The following ABR variants were observed in gnomAD, a reference collection of about 807,000 sequenced individuals.
ABR encodes active breakpoint cluster region-related protein.
Under a neutral mutation model 107.2 loss-of-function variants are expected in ABR, and 35 were observed. That is an observed-to-expected ratio of 0.33 (90% CI 0.25 to 0.43). ABR has a LOEUF of 0.43. ABR is among the 20% of genes least tolerant of loss of function. The pLI is 1.00. For missense variants in ABR, 815 were observed against 1,115.2 expected, an observed-to-expected ratio of 0.73 and a Z score of 3.83; for synonymous variants, 498 against 462.0, an observed-to-expected ratio of 1.08 and a Z score of -1.00.
chr17:1,226,561 C>G (rs56095768), intron 1 of ABR, among the ~76,000 whole-genome samples: 17,289 of 147,928 alleles, frequency 0.12, 1,205 homozygotes, highest in Middle Eastern at 0.2. Flanking sequence ...TGCAGGTGTG[C>G]AGGTATGTGT....
In ABR at chr17:1,125,341, C is replaced by T. The variant is rs117732533; in HGVS notation, c.88G>A (p.Asp30Asn). The T allele has an allele frequency of 9.1e-3, 14,678 of 1,613,866 alleles. 77 individuals are homozygous for T. Among genetic ancestry groups the T allele is most frequent in the Non-Finnish European group, 0.011 (13,311 of 1,179,974 alleles). The change falls in exon 2 of 23, where the codon GAC becomes AAC. Residue 30 changes from aspartate to asparagine, a missense_variant. Around this residue, in one of 5 missense-constraint regions of ABR, gnomAD observed 129 missense variants for 124.8 expected, o/e 1.03. Coordinates refer to ENST00000302538, the MANE Select transcript of ABR (RefSeq NM_021962.5). Reference sequence around the variant, plus strand: ...TTCTGCTCCTCATTCCCCTCTCCGTCGTACTCGTCCGTCCCGTAGCTGAAG... The same window carrying T: ...TTCTGCTCCTCATTCCCCTCTCCGTTGTACTCGTCCGTCCCGTAGCTGAAG... ...SNFSYGTDEY[D>N]GEGNEEQKGP...
rs528837559 is a variant in ABR at position 1,224,966 on chromosome 17, G to A, written c.838+3827C>T. The stretch of plus-strand genomic sequence containing the variant: ...AGATCGAGATCATCCTGGCTAACAC[G>A]GTGAAACCCTGTCTCTACTAAAAAT... On this transcript the variant is annotated intron_variant, in intron 1 of 22. Transcript: ENST00000574139. 1.0e-3 allele frequency among the ~76,000 whole-genome samples: 157 copies of A among 151,736 alleles called. 1 individual carries two copies. The highest frequency in any genetic ancestry group is 3.5e-3 in the African/African-American group (146 of 41,400).
Position 1,050,081 on chromosome 17 carries a change from A to G in ABR, c.1760T>C (p.Val587Ala), listed in dbSNP as rs1413547389. The stretch of plus-strand genomic sequence containing the variant: ...CTGTCCTTTGCCCATGATCTTGTCC[A>G]CGATCTCATTGTTGTCCTTGTTGAC... The part of the protein sequence containing the change: ...TKVNKDNNEI[V>A]DKIMGKGQIQ... Residue 587 changes from valine to alanine, a missense_variant, in exon 16 of 23, where the codon GTG (valine) becomes GCG (alanine). Val to Ala is a moderately conservative substitution (Grantham distance 64). This residue lies in a region of ABR where 92 missense variants were observed against 82.3 expected (regional missense o/e 1.12). Coordinates refer to ENST00000302538, the MANE Select transcript of ABR (RefSeq NM_021962.5). The surrounding 1 kb of genome is among the most constrained non-coding windows in gnomAD (Gnocchi z 4.6). The G allele has an allele frequency of 6.2e-7, 1 of 1,614,118 alleles. No individual in the cohort carries two copies. The highest frequency in any genetic ancestry group is 8.5e-7 in the Non-Finnish European group (1 of 1,180,006).
chr17:1,072,838 A>G (rs1342059281), intron 7 of ABR, 84 bp from the exon 8 acceptor site: 2 of 1,460,056 alleles, frequency 1.4e-6, no homozygotes, highest in Admixed American at 2.7e-5. Flanking sequence ...TCCCCATCCA[A>G]AGGGTGGGCA....
At chr17:1,108,825 G>A in intron 2 of ABR, 1 of 1,002,466 alleles carries the variant, frequency 1.0e-6, no homozygotes, top group South Asian at 1.9e-5. Context: ...CTCCGCCGAG[G>A]GCTTCCACCC....
Position 1,034,486 on chromosome 17 carries a change from A to G in ABR, c.1791+15564T>C, listed in dbSNP as rs752329939. On this transcript the variant is annotated intron_variant, in intron 16 of 22. Coordinates refer to ENST00000302538, the MANE Select transcript of ABR (RefSeq NM_021962.5). ...ATGGACAAAACCCGCACAAAATCCCATATTACGGCCTCAGAACAGGACAGA... is the reference window on the plus strand; with the variant it reads ...ATGGACAAAACCCGCACAAAATCCCGTATTACGGCCTCAGAACAGGACAGA... 3.0e-4 allele frequency among the ~76,000 whole-genome samples: 46 copies of G among 152,188 alleles called. 1 individual carries two copies. The highest frequency in any genetic ancestry group is 5.1e-4 in the Non-Finnish European group (35 of 68,034).
Position 1,011,127 on chromosome 17 carries a change from T to G in ABR, c.2102-264A>C, listed in dbSNP as rs550893908. On this transcript the variant is annotated intron_variant, in intron 19 of 22. Transcript: ENST00000302538. The surrounding 1 kb of genome is among the most constrained non-coding windows in gnomAD (Gnocchi z 4.8). ...GGGAGTGAAATCCATCACCCAGAGT[T>G]CAGAGCCACATTCATACCATGTGGC... 1 of 504,710 alleles carries G rather than the reference T, an allele frequency of 2.0e-6. No individual in the cohort carries two copies. Among genetic ancestry groups the G allele is most frequent in the East Asian group, 3.6e-5 (1 of 27,672 alleles). The allele number at this position is 504,710 out of a possible 1,614,324, so 31.3% of individuals were successfully genotyped here.
chr17:1,073,759 C>G (rs940274742), intron 6 of ABR, 82 bp from the exon 7 acceptor site: 1 of 1,283,642 alleles, frequency 7.8e-7, no homozygotes. Context: ...TTCGTCCCCC[C>G]ACCCGCATGC....
At chr17:1,066,313 G>A (rs542555358) in intron 10 of ABR, among the ~76,000 whole-genome samples, 11 of 152,302 alleles carry the variant, frequency 7.2e-5, no homozygotes, top group South Asian at 2.1e-4. Flanking sequence ...GGTCCCAAAC[G>A]TGTGTGACAA....
At chr17:1,048,619 G>T (rs2032010193) in intron 16 of ABR, among the ~76,000 whole-genome samples, 2 of 127,688 alleles carry the variant, frequency 1.6e-5, no homozygotes, top group African/African-American at 5.7e-5. Flanking sequence ...TCGGCGCCCA[G>T]CTGCGCCTGG....
chr17:1,052,156 A>G (rs576893097), intron 14 of ABR, among the ~76,000 whole-genome samples: 10 of 152,130 alleles, frequency 6.6e-5, no homozygotes, highest in Admixed American at 5.9e-4. Flanking sequence ...GAGCAACAGA[A>G]AGAAGACCCA....
intron 1 of ABR, among the ~76,000 whole-genome samples, chr17:1,186,577 C>T (rs1390199374): frequency 6.6e-6 from 1 of 152,228 alleles, no homozygotes; most frequent in African/African-American, 2.4e-5. Context: ...TTCCCATGGC[C>T]AGGGGCCACA....
intron 10 of ABR, 65 bp downstream of exon 10, chr17:1,067,009 CCTG>C: frequency 6.5e-7 from 1 of 1,549,514 alleles, no homozygotes; most frequent in East Asian, 2.3e-5. Flanking sequence ...CTTACAACTT[CCTG>C]CCTCCACCTC....
intron 1 of ABR, among the ~76,000 whole-genome samples, chr17:1,218,437 T>C (rs2043054435): frequency 6.6e-6 from 1 of 152,218 alleles, no homozygotes; most frequent in African/African-American, 2.4e-5. Context: ...AGTGAAAAGC[T>C]ATAGTCTGGA....
At chr17:1,164,719 T>G (rs916728820) in intron 1 of ABR, among the ~76,000 whole-genome samples, 8 of 152,148 alleles carry the variant, frequency 5.3e-5, no homozygotes, top group African/African-American at 1.9e-4. Context: ...CAGGCTGGAG[T>G]GCAGAGGCAT....
intron 16 of ABR, among the ~76,000 whole-genome samples, chr17:1,030,012 C>T (rs1164695708): frequency 6.6e-6 from 1 of 151,866 alleles, no homozygotes; most frequent in African/African-American, 2.4e-5. Flanking sequence ...CAGAGCAGCC[C>T]AGGGCCGGGG....
chr17:1,175,353 A>G (rs1389391239), intron 1 of ABR, among the ~76,000 whole-genome samples: 3 of 152,192 alleles, frequency 2.0e-5, no homozygotes, highest in Non-Finnish European at 4.4e-5. Context: ...CGGAGGTTGC[A>G]GTGAGCCGAG....
chr17:1,141,487 T>C (rs1238700163), intron 1 of ABR, among the ~76,000 whole-genome samples: 1 of 152,182 alleles, frequency 6.6e-6, no homozygotes, highest in East Asian at 1.9e-4. Context: ...ACAAGATCTA[T>C]ACCTCATGAA....
intron 2 of ABR, among the ~76,000 whole-genome samples, chr17:1,116,881 G>A (rs2039013724): frequency 6.6e-6 from 1 of 152,176 alleles, no homozygotes; most frequent in African/African-American, 2.4e-5. Context: ...AAATGCAGGG[G>A]CCGGCTGCTG....
Sources: allele counts gnomAD v4.1 joint callset (sites outside exome capture counted in the v4.1 genomes callset), GRCh38; gene constraint gnomAD v4.1.1; regional missense constraint gnomAD v4.1.1; non-coding constraint Gnocchi (gnomAD v3.1); transcripts MANE v1.5; gene names NCBI Gene and HGNC (gene_info 2026-07-23, HGNC 2026-07-21).